CDH13: variants seen among roughly 807,000 people sequenced by gnomAD.
The protein encoded by CDH13 is cadherin 13, also known as cadherin-13.
A neutral mutation model predicts 63.8 loss-of-function variants in CDH13; 24 were observed. The observed-to-expected ratio is 0.38, with a 90% CI of 0.27 to 0.53. The LOEUF (loss-of-function observed/expected upper bound fraction) is 0.53, where lower values mean the gene tolerates loss of function less well. Ranked by LOEUF, CDH13 falls within the 20% of genes least tolerant of loss-of-function variation. The pLI is 0.85. For synonymous variants in CDH13, 503 were observed against 355.3 expected (o/e 1.42, Z -4.67); for missense variants, 1,049 against 903.1 (o/e 1.16, Z -2.07).
intron 8 of CDH13, among the ~76,000 whole-genome samples, chr16:83,632,960 C>G (rs1910915024): frequency 6.6e-6 from 1 of 151,802 alleles, no homozygotes; most frequent in African/African-American, 2.4e-5. Flanking sequence ...CCTGATGTTA[C>G]CATGGCATTT....
intron 6 of CDH13, among the ~76,000 whole-genome samples, chr16:83,463,814 C>G (rs1239909142): frequency 6.6e-6 from 1 of 152,040 alleles, no homozygotes; most frequent in South Asian, 2.1e-4. Flanking sequence ...CCAAAAAAAG[C>G]AAAGAAAGTG....
chr16:83,440,219 A>G (rs2072441562), intron 6 of CDH13, among the ~76,000 whole-genome samples: 1 of 152,232 alleles, frequency 6.6e-6, no homozygotes, highest in Non-Finnish European at 1.5e-5. Context: ...TGGGTCACAG[A>G]GTTGTAGACA....
At chr16:83,226,210 G>A (rs369997868) in intron 5 of CDH13, among the ~76,000 whole-genome samples, 11 of 152,146 alleles carry the variant, frequency 7.2e-5, no homozygotes, top group East Asian at 1.9e-4. Context: ...ATTACAACCC[G>A]GCCTTATCTG....
rs117234498 is a variant in CDH13 at position 82,915,495 on chromosome 16, G to A, written c.157+57022G>A. On this transcript the variant is annotated intron_variant, in intron 2 of 13. Coordinates refer to ENST00000567109, the MANE Select transcript of CDH13 (RefSeq NM_001257.5). ...CAAACTTATCAAAGTGATATACAGGGATCGTTTTAGCCTCTGCTGAAATAC... is the reference window on the plus strand; with the variant it reads ...CAAACTTATCAAAGTGATATACAGGAATCGTTTTAGCCTCTGCTGAAATAC... 7.2e-3 allele frequency among the ~76,000 whole-genome samples: 1,099 copies of A among 152,226 alleles called. 7 individuals are homozygous for A. Among genetic ancestry groups the A allele is most frequent in the Non-Finnish European group, 0.011 (765 of 68,018 alleles).
intron 6 of CDH13, among the ~76,000 whole-genome samples, chr16:83,463,656 A>C (rs2073236301): frequency 6.6e-6 from 1 of 152,178 alleles, no homozygotes. Flanking sequence ...TTAAAAATTT[A>C]ACCGGGCATG....
chr16:82,666,018 A>C (rs980308871), intron 1 of CDH13, among the ~76,000 whole-genome samples: 5 of 152,156 alleles, frequency 3.3e-5, no homozygotes, highest in African/African-American at 9.7e-5. Flanking sequence ...TAGTCATTCT[A>C]AGTCAGGGAA....
chr16:83,580,448 T>TTCTCTCTCTCTCTCTC (rs55664829), intron 7 of CDH13, among the ~76,000 whole-genome samples: 1 of 76,428 alleles, frequency 1.3e-5, no homozygotes, highest in African/African-American at 4.9e-5. Flanking sequence ...TTCTGTTCAT[T>TTCTCTCTCTCTCTCTC]TCTCTCTCTC....
chr16:82,983,040 G>A (rs568146863), intron 2 of CDH13, among the ~76,000 whole-genome samples: 1 of 152,232 alleles, frequency 6.6e-6, no homozygotes, highest in South Asian at 2.1e-4. Context: ...GCTGTACTCT[G>A]AAGCCCATGA....
At chr16:83,018,161 T>A (rs1333071467) in intron 2 of CDH13, among the ~76,000 whole-genome samples, 1 of 152,176 alleles carries the variant, frequency 6.6e-6, no homozygotes, top group Non-Finnish European at 1.5e-5. Flanking sequence ...GGTGGCTCAG[T>A]CTCTCCCAGC....
At chr16:83,313,515 TAG>T (rs1348749873) in intron 5 of CDH13, among the ~76,000 whole-genome samples, 2 of 152,264 alleles carry the variant, frequency 1.3e-5, no homozygotes, top group Non-Finnish European at 1.5e-5. Context: ...TTCAGCCAAA[TAG>T]AGTGTGTCTG....
chr16:83,237,084 G>A (rs1048350777), intron 5 of CDH13, among the ~76,000 whole-genome samples: 1 of 152,164 alleles, frequency 6.6e-6, no homozygotes, highest in East Asian at 1.9e-4. Flanking sequence ...TCGAGGGGAT[G>A]TTCCGCCACA....
chr16:83,582,214 C>G (rs77281131), intron 7 of CDH13, among the ~76,000 whole-genome samples: 2,002 of 152,220 alleles, frequency 0.013, 47 homozygotes, highest in African/African-American at 0.046. Flanking sequence ...TTCTGCAGGG[C>G]AATGCTGGGC....
intron 1 of CDH13, among the ~76,000 whole-genome samples, chr16:82,735,331 C>G (rs977182598): frequency 6.6e-6 from 1 of 152,222 alleles, no homozygotes; most frequent in Admixed American, 6.5e-5. Context: ...GGAATAGAAG[C>G]TGTCACACCA....
chr16:83,598,418 A>G (rs1166094868), intron 7 of CDH13, among the ~76,000 whole-genome samples: 2 of 152,170 alleles, frequency 1.3e-5, no homozygotes, highest in African/African-American at 2.4e-5. Context: ...CCTGGCTACA[A>G]AAAATTTTCT....
At chr16:83,283,865 T>C (rs191172356) in intron 5 of CDH13, among the ~76,000 whole-genome samples, 6 of 152,326 alleles carry the variant, frequency 3.9e-5, no homozygotes, top group South Asian at 4.1e-4. Flanking sequence ...TCCAGAGTTG[T>C]AAGCTCCTGG....
chr16:83,082,630 C>A (rs551365711), intron 3 of CDH13, among the ~76,000 whole-genome samples: 1 of 152,012 alleles, frequency 6.6e-6, no homozygotes, highest in Non-Finnish European at 1.5e-5. Context: ...GGCAACAAGA[C>A]AAGACTGTCT....
chr16:82,643,168 C>G (rs1390948842), intron 1 of CDH13, among the ~76,000 whole-genome samples: 2 of 152,146 alleles, frequency 1.3e-5, no homozygotes, highest in African/African-American at 2.4e-5. Context: ...AAACCCCAAA[C>G]CTGGGAATCA....
At chr16:83,018,331 C>T (rs927314375) in intron 2 of CDH13, among the ~76,000 whole-genome samples, 1 of 152,172 alleles carries the variant, frequency 6.6e-6, no homozygotes, top group Non-Finnish European at 1.5e-5. Flanking sequence ...TCCACATTCA[C>T]CTTTAGTTGC....
intron 1 of CDH13, among the ~76,000 whole-genome samples, chr16:82,722,014 C>T (rs2032806371): frequency 6.6e-6 from 1 of 152,156 alleles, no homozygotes; most frequent in African/African-American, 2.4e-5. Flanking sequence ...GGACAGACCA[C>T]ACTGCCACTG....
Sources: allele counts gnomAD v4.1 joint callset (sites outside exome capture counted in the v4.1 genomes callset), GRCh38; gene constraint gnomAD v4.1.1; transcripts MANE v1.5; gene names NCBI Gene and HGNC (gene_info 2026-07-23, HGNC 2026-07-21).